COL4A4: variants seen among roughly 807,000 people sequenced by gnomAD.
COL4A4 encodes the protein collagen type IV alpha 4 chain, also known as collagen alpha-4(IV) chain.
Under a neutral mutation model 192.9 loss-of-function variants are expected in COL4A4, and 105 were observed. The observed-to-expected ratio is 0.54, with a 90% CI of 0.46 to 0.64. COL4A4 has a LOEUF of 0.64. Among genes scored for constraint, COL4A4 ranks in the 30% least tolerant of loss-of-function variants. COL4A4 has a pLI of 0.00. For missense variants in COL4A4, 1,967 were observed against 2,169.3 expected, an observed-to-expected ratio of 0.91 and a Z score of 1.85; for synonymous variants, 762 against 769.9, an observed-to-expected ratio of 0.99 and a Z score of 0.17.
chr2:226,985,738 C>T, the COL4A4 span, among the ~76,000 whole-genome samples: 3 of 152,226 alleles, frequency 2.0e-5, no homozygotes, highest in South Asian at 2.1e-4. Flanking sequence ...CCCACACCAA[C>T]GTTAGCAGAC....
At chr2:227,126,239 G>T (rs564359912) in intron 4 of COL4A4, among the ~76,000 whole-genome samples, 3 of 152,174 alleles carry the variant, frequency 2.0e-5, no homozygotes, top group Non-Finnish European at 4.4e-5. Context: ...ATGCAATTTC[G>T]TATCAGGGAC....
the COL4A4 span, among the ~76,000 whole-genome samples, chr2:226,979,182 C>T: frequency 1.4e-4 from 21 of 152,084 alleles, no homozygotes; most frequent in African/African-American, 4.6e-4. Flanking sequence ...CCCAAGAGGC[C>T]ACTGCTGAAA....
intron 2 of COL4A4, 148 bp from the exon 3 acceptor site, chr2:227,144,706 T>C: frequency 3.0e-6 from 2 of 659,996 alleles, no homozygotes; most frequent in South Asian, 3.5e-5. Context: ...AGTGACAAGA[T>C]CCATGCTTTC....
At position 227,032,178 on chromosome 2, in the gene COL4A4, G is replaced by C. The variant is rs769191749; in HGVS notation, c.3676C>G (p.Arg1226Gly). Reference sequence around the variant, plus strand: ...GGTCCTGGGGGACCTTTCTTTCCACGAGGACCTGGAGGAGAGATTCCTGGG... The same window carrying C: ...GGTCCTGGGGGACCTTTCTTTCCACCAGGACCTGGAGGAGAGATTCCTGGG... ...GSPGISPPGP[R>G]GKKGPPGPPG... is the part of the protein sequence containing the mutation. Residue 1226 changes from arginine (R) to glycine (G), a missense_variant, in exon 39 of 48, where the codon CGT becomes GGT. By Grantham distance (125) the Arg-to-Gly change is moderately radical. Coordinates refer to ENST00000396625, the MANE Select transcript of COL4A4 (RefSeq NM_000092.5). 5 of 1,614,168 alleles carry C rather than the reference G, an allele frequency of 3.1e-6. No individual in the cohort carries two copies. The highest frequency in any genetic ancestry group is 1.6e-4 in the Middle Eastern group (1 of 6,062).
In COL4A4 at chr2:227,139,547, C is replaced by T. The variant is rs575295959; in HGVS notation, c.192+614G>A. On this transcript the variant is annotated intron_variant, in intron 4 of 47. Transcript: ENST00000396625. The stretch of plus-strand genomic sequence containing the variant: ...ACAGAGAATCTAGCGTGGTCATCAA[C>T]GCAAACGTTCTGGGTGGACTTGAGC... 2.6e-5 allele frequency among the ~76,000 whole-genome samples: 4 copies of T among 152,278 alleles called. No homozygotes were observed. The South Asian group carries it at 6.2e-4, about 24-fold the overall frequency.
At chr2:227,104,082 T>G in intron 12 of COL4A4, 30 bp from the exon 13 acceptor site, 1 of 1,579,750 alleles carries the variant, frequency 6.3e-7, no homozygotes, top group Non-Finnish European at 8.7e-7. Context: ...TAATGAAAAT[T>G]TCATATTAAT....
At chr2:227,025,839 G>T in intron 42 of COL4A4, 29 bp from the exon 43 acceptor site, 2 of 1,609,652 alleles carry the variant, frequency 1.2e-6, no homozygotes, top group Non-Finnish European at 1.7e-6. Context: ...AACAAACGAG[G>T]CCAGTCCATG....
At chr2:226,974,808 T>A in the COL4A4 span, among the ~76,000 whole-genome samples, 1 of 152,156 alleles carries the variant, frequency 6.6e-6, no homozygotes, top group Non-Finnish European at 1.5e-5. Flanking sequence ...AACCATACAG[T>A]GCTCACGGTG....
chr2:227,137,272 C>T (rs971274397), intron 4 of COL4A4, among the ~76,000 whole-genome samples: 17 of 152,150 alleles, frequency 1.1e-4, no homozygotes, highest in East Asian at 5.8e-4. Flanking sequence ...AATGGGGGTA[C>T]GTGCAAGGAA....
chr2:226,984,517 A>C, the COL4A4 span, among the ~76,000 whole-genome samples: 1 of 152,170 alleles, frequency 6.6e-6, no homozygotes, highest in African/African-American at 2.4e-5. Flanking sequence ...CCCCACCTCC[A>C]CATGCCATCA....
intron 42 of COL4A4, 47 bp from the exon 43 acceptor site, chr2:227,025,857 C>T (rs760473528): frequency 6.3e-7 from 1 of 1,591,838 alleles, no homozygotes; most frequent in Non-Finnish European, 8.6e-7. Context: ...ATGATTTTCA[C>T]AGGGTGGAAA....
intron 25 of COL4A4, among the ~76,000 whole-genome samples, chr2:227,075,011 T>C (rs1259294438): frequency 6.6e-6 from 1 of 151,876 alleles, no homozygotes; most frequent in Non-Finnish European, 1.5e-5. Context: ...AATGAGGTAG[T>C]GAGCCTACCA....
Position 227,162,808 on chromosome 2 carries a change from T to G in COL4A4, c.-102+1199A>C, listed in dbSNP as rs1016974594. On this transcript the variant is annotated intron_variant, in intron 1 of 47. Transcript: ENST00000396625. The stretch of plus-strand genomic sequence containing the variant: ...TGGAATGGTCTGGGTAGCAACATTG[T>G]TTTATCCTCCCAAAGATTCTAATGC... 2.0e-5 allele frequency among the ~76,000 whole-genome samples: 3 copies of G among 152,334 alleles called. No individual in the cohort carries two copies. The East Asian group carries it at 5.8e-4, about 29-fold the overall frequency.
chr2:227,159,249 T>A (rs2064611206), intron 1 of COL4A4, among the ~76,000 whole-genome samples: 1 of 152,144 alleles, frequency 6.6e-6, no homozygotes, highest in African/African-American at 2.4e-5. Flanking sequence ...CACAAAATTC[T>A]AGAAAATGCC....
At chr2:227,061,797 G>A (rs535291244) in intron 26 of COL4A4, among the ~76,000 whole-genome samples, 12 of 152,342 alleles carry the variant, frequency 7.9e-5, no homozygotes, top group African/African-American at 2.9e-4. Flanking sequence ...GCTGTTGCAT[G>A]AATGTGCAAA....
intron 40 of COL4A4, among the ~76,000 whole-genome samples, 187 bp downstream of exon 40, chr2:227,031,758 A>G (rs144188135): frequency 1.6e-4 from 24 of 152,274 alleles, no homozygotes; most frequent in Admixed American, 3.3e-4. Flanking sequence ...CTGGTCCTGG[A>G]TATGGTCCTG....
rs1559489776 is a variant in COL4A4, at chr2:227,045,967, T to TGTA, written c.3289+1507_3289+1508insTAC. Among the ~76,000 whole-genome samples, 245 of 34,326 alleles carry TGTA rather than the reference T, an allele frequency of 7.1e-3. 8 individuals are homozygous for TGTA. The highest frequency in any genetic ancestry group is 0.033 in the African/African-American group (234 of 7,016). 22.5% of individuals were successfully genotyped at this position (34,326 alleles called of 152,430 possible). On this transcript the variant is annotated intron_variant, in intron 35 of 47. Coordinates refer to ENST00000396625, the MANE Select transcript of COL4A4 (RefSeq NM_000092.5). ...TGTATATATGTATATATGTATATAT[T>TGTA]TATATGTGTATATGTATATATTTAG...
At position 227,047,597 on chromosome 2, in the gene COL4A4, G is replaced by T. The variant is rs752242489; in HGVS notation, c.3215-48C>A. ...GACATTACTTTAGACAATTTAATTTGGTCTCATACAGGTGACAGTAACGTT... is the reference window on the plus strand; with the variant it reads ...GACATTACTTTAGACAATTTAATTTTGTCTCATACAGGTGACAGTAACGTT... On this transcript the variant is annotated intron_variant, in intron 34 of 47. Coordinates refer to ENST00000396625, the MANE Select transcript of COL4A4 (RefSeq NM_000092.5). The T allele has an allele frequency of 4.6e-6, 6 of 1,313,412 alleles. No homozygotes were observed. The African/African-American group carries it at 7.3e-5, about 16-fold the overall frequency. The allele number at this position is 1,313,412 out of a possible 1,614,324, so 81.4% of individuals were successfully genotyped here. A position where few individuals can be genotyped will look rare whatever the true frequency, so the allele number is the denominator to read the frequency against.
At chr2:227,018,053 G>A (rs1965277986) in intron 44 of COL4A4, among the ~76,000 whole-genome samples, 1 of 152,126 alleles carries the variant, frequency 6.6e-6, no homozygotes, top group Non-Finnish European at 1.5e-5. Flanking sequence ...TCTTTCTAGT[G>A]GCAGCCATTT....
Sources: gnomAD v4.1 joint callset for allele counts (sites outside exome capture counted in the v4.1 genomes callset) on GRCh38, gnomAD v4.1.1 for gene constraint, MANE v1.5 for transcripts, NCBI Gene and HGNC (gene_info 2026-07-23, HGNC 2026-07-21) for gene names.